Variants in ISLR2 observed in about 807,000 individuals in gnomAD.
ISLR2 encodes immunoglobulin superfamily containing leucine-rich repeat protein 2.
A neutral mutation model predicts 25.5 loss-of-function variants in ISLR2; 16 were observed. The ratio of observed to expected loss-of-function variants is 0.63; its 90% confidence interval spans 0.43 to 0.95. The LOEUF is 0.95. Among genes scored for constraint, ISLR2 ranks in the 40% least tolerant of loss-of-function variants. The pLI is 0.00. For synonymous variants in ISLR2, 508 were observed against 486.6 expected (o/e 1.04, Z -0.58); for missense variants, 883 against 1,030.7 (o/e 0.86, Z 1.96).
Position 74,134,409 on chromosome 15 carries a change from C to G in ISLR2, c.1655C>G (p.Ala552Gly). ...TCCCGCGTAGAGGAAGGCGTCAACG[C>G]CTACTGGTTCCGCGGCCTGCGGCCG... ...QWSRVEEGVN[A>G]YWFRGLRPGT... The change falls in exon 3 of 3, where the codon GCC (alanine) becomes GGC (glycine). Residue 552 changes from alanine (A) to glycine (G), a missense_variant. Transcript: ENST00000453268. 1 of 1,611,706 alleles carries G rather than the reference C, an allele frequency of 6.2e-7. No homozygotes were observed. Among genetic ancestry groups the G allele is most frequent in the South Asian group, 1.1e-5 (1 of 90,810 alleles).
At chr15:74,139,863 AGTGTGTGTGTGTGTGTGT>A (rs10579764), downstream of ISLR2, among the ~76,000 whole-genome samples, 34 of 128,112 alleles carry the variant, frequency 2.7e-4, no homozygotes, top group South Asian at 1.1e-3. Context: ...CGGCTTGAGG[AGTGTGTGTGTGTGTGTGT>A]GTGTGTGTGT....
At chr15:74,107,781 C>T (rs536137223) in intron 2 of ISLR2, among the ~76,000 whole-genome samples, 53 of 152,318 alleles carry the variant, frequency 3.5e-4, no homozygotes, top group South Asian at 1.7e-3. Flanking sequence ...ATGCAGAGAC[C>T]AGCTTCTTCC....
chr15:74,117,995 G>A (rs1165969815), intron 2 of ISLR2, among the ~76,000 whole-genome samples: 2 of 152,174 alleles, frequency 1.3e-5, no homozygotes, highest in Non-Finnish European at 2.9e-5. Flanking sequence ...AAACATTCAG[G>A]TGCCCTTCTC....
At position 74,133,961 on chromosome 15, in the gene ISLR2, G is replaced by T; in HGVS notation, c.1207G>T (p.Gly403Cys). The T allele has an allele frequency of 6.2e-7, 1 of 1,609,004 alleles. No homozygotes were observed. Reference protein sequence around the residue: ...PTSERKSTAKGRGNSVLPSKP... With the variant: ...PTSERKSTAKCRGNSVLPSKP... ...CTCTGAGCGCAAGTCCACAGCCAAG[G>T]GCCGGGGCAACAGCGTCCTGCCTTC... The change falls in exon 3 of 3, where the codon GGC (glycine) becomes TGC (cysteine). Residue 403 changes from glycine to cysteine, a missense_variant. Gly to Cys is a radical substitution (Grantham distance 159). This residue lies in a region of ISLR2 where 612 missense variants were observed against 642.8 expected (regional missense o/e 0.95). Coordinates refer to ENST00000453268, the MANE Select transcript of ISLR2 (RefSeq NM_020851.3).
chr15:74,140,215 C>G (rs976443212), downstream of ISLR2, among the ~76,000 whole-genome samples: 22 of 152,254 alleles, frequency 1.4e-4, no homozygotes, highest in African/African-American at 5.3e-4. Context: ...GGGGTAGGGT[C>G]CTCTGGTCCC....
At chr15:74,128,666 C>CG (rs1567159144), upstream of ISLR2, 1 of 456,284 alleles carries the variant, frequency 2.2e-6, no homozygotes. Context: ...AGGTAAAAAC[C>CG]GGCGGAGGGC....
At chr15:74,113,504 T>C (rs1771671581) in intron 2 of ISLR2, among the ~76,000 whole-genome samples, 1 of 152,214 alleles carries the variant, frequency 6.6e-6, no homozygotes, top group Non-Finnish European at 1.5e-5. Flanking sequence ...TTTTCTCGCT[T>C]TTTCACACAT....
chr15:74,104,621 A>T (rs1430957495), intron 2 of ISLR2, among the ~76,000 whole-genome samples: 1 of 152,160 alleles, frequency 6.6e-6, no homozygotes, highest in Non-Finnish European at 1.5e-5. Flanking sequence ...CATCTCTACT[A>T]AAAATTAAAA....
At position 74,117,533 on chromosome 15, in the gene ISLR2, A is replaced by C. The variant is rs1012494653; in HGVS notation, n.228+13619A>C. Among the ~76,000 whole-genome samples the C allele has an allele frequency of 4.9e-4, 74 of 152,086 alleles. 2 individuals are homozygous for C. Among genetic ancestry groups the C allele is most frequent in the Non-Finnish European group, 9.0e-4 (61 of 68,030 alleles). Reference sequence around the variant, plus strand: ...TCATCTTCACTAAAAATTAAAAAAAAATAGCCAGGCATGGTGGTACATGCC... The same window carrying C: ...TCATCTTCACTAAAAATTAAAAAAACATAGCCAGGCATGGTGGTACATGCC... On this transcript the variant is annotated intron_variant and non_coding_transcript_variant, in intron 2 of 3. Coordinates refer to the ISLR2 transcript ENST00000561975.
In ISLR2 at chr15:74,134,200, C is replaced by G; in HGVS notation, c.1446C>G (p.His482Gln). ...ACCAGAGCGCAGAGCTCAAGCCGCA[C>G]GTCTTCGAGCTGGGCGTCATCGCGC... ...AFNQSAELKP[H>Q]VFELGVIALD... Residue 482 changes from histidine to glutamine, a missense_variant, in exon 3 of 3, where the codon CAC becomes CAG. By Grantham distance (24) the His-to-Gln change is conservative. This residue lies in a region of ISLR2 where 612 missense variants were observed against 642.8 expected (regional missense o/e 0.95). Transcript: ENST00000453268. 1.2e-6 allele frequency: 2 copies of G among 1,610,020 alleles called. No homozygotes were observed. The highest frequency in any genetic ancestry group is 1.7e-4 in the Middle Eastern group (1 of 6,060).
chr15:74,136,969 G>A (rs2072576405), downstream of ISLR2, among the ~76,000 whole-genome samples: 1 of 152,142 alleles, frequency 6.6e-6, no homozygotes, highest in Non-Finnish European at 1.5e-5. Flanking sequence ...TTTGCACCCA[G>A]CCCTGCTCTT....
At chr15:74,115,198 TTG>T (rs752460027) in intron 2 of ISLR2, among the ~76,000 whole-genome samples, 142 of 152,352 alleles carry the variant, frequency 9.3e-4, no homozygotes, top group Non-Finnish European at 1.6e-3. Flanking sequence ...TAGAAAAGTA[TTG>T]CCTTAATAGT....
chr15:74,134,033 A>T lies in ISLR2; in HGVS notation c.1279A>T (p.Ile427Phe), dbSNP rs2072498619. The stretch of plus-strand genomic sequence containing the variant: ...AGGCCAAGGCCTGGCCAAGGTCAGC[A>T]TTCTCGGGGAGACCGAGACGGAGCC... ...IKGQGLAKVS[I>F]LGETETEPEE... The change falls in exon 3 of 3, where the codon ATT becomes TTT. Residue 427 changes from isoleucine to phenylalanine, a missense_variant. By Grantham distance (21) the Ile-to-Phe change is conservative (BLOSUM62 0). Transcript: ENST00000453268. 1 of 1,613,504 alleles carries T rather than the reference A, an allele frequency of 6.2e-7. No individual in the cohort carries two copies. The highest frequency in any genetic ancestry group is 1.1e-5 in the South Asian group (1 of 90,950).
chr15:74,137,197 C>T (rs1367798642), downstream of ISLR2, among the ~76,000 whole-genome samples: 1 of 152,170 alleles, frequency 6.6e-6, no homozygotes, highest in Admixed American at 6.5e-5. Flanking sequence ...TCACACTGCC[C>T]AGTTTCTGTG....
intron 2 of ISLR2, among the ~76,000 whole-genome samples, chr15:74,131,570 G>C (rs1210165790): frequency 6.6e-6 from 1 of 152,188 alleles, no homozygotes; most frequent in Non-Finnish European, 1.5e-5. Flanking sequence ...TTGTGTGACC[G>C]GGCTTAAGGT....
At chr15:74,109,370 T>A (rs2072148038) in intron 2 of ISLR2, among the ~76,000 whole-genome samples, 1 of 151,774 alleles carries the variant, frequency 6.6e-6, no homozygotes, top group African/African-American at 2.4e-5. Flanking sequence ...CTCAGTCCGG[T>A]GAAGGGCAGG....
upstream of ISLR2, chr15:74,128,945 T>G (rs1322330896): frequency 2.3e-6 from 1 of 438,282 alleles, no homozygotes; most frequent in Admixed American, 2.6e-5. Context: ...CCACAAGGCC[T>G]AGAAACCTCA....
At position 74,132,790 on chromosome 15, in the gene ISLR2, G is replaced by T; in HGVS notation, c.36G>T (p.Ala12=). ...FPLRALWLVW[A]LLGVAGSCPE... The stretch of plus-strand genomic sequence containing the variant: ...TTCGGGCCCTGTGGTTGGTCTGGGC[G>T]CTTCTAGGAGTGGCCGGATCATGCC... Residue 12 remains alanine (A), a synonymous_variant, in exon 3 of 3, where the codon GCG becomes GCT. Transcript: ENST00000453268. The surrounding 1 kb of genome is among the most constrained non-coding windows in gnomAD (Gnocchi z 4.3). The T allele has an allele frequency of 6.2e-7, 1 of 1,613,490 alleles. No individual in the cohort carries two copies. The highest frequency in any genetic ancestry group is 1.7e-4 in the Middle Eastern group (1 of 6,030).
chr15:74,137,539 G>A (rs1396214533), downstream of ISLR2, among the ~76,000 whole-genome samples: 1 of 152,150 alleles, frequency 6.6e-6, no homozygotes, highest in African/African-American at 2.4e-5. Flanking sequence ...CCTAGAAAGG[G>A]GCTTTCTTGG....
Sources: gnomAD v4.1 joint callset for allele counts (sites outside exome capture counted in the v4.1 genomes callset) on GRCh38, gnomAD v4.1.1 for gene constraint, gnomAD v4.1.1 regional missense constraint, Gnocchi (gnomAD v3.1) non-coding constraint, MANE v1.5 for transcripts, NCBI Gene and HGNC (gene_info 2026-07-23, HGNC 2026-07-21) for gene names.